The following SYT7 variants were observed in gnomAD, a reference collection of about 807,000 sequenced individuals.
SYT7 encodes the protein synaptotagmin-7.
In SYT7, 29 loss-of-function variants were observed where a neutral mutation model predicts 75.1. That is an observed-to-expected ratio of 0.39 (90% CI 0.29 to 0.53). The LOEUF (loss-of-function observed/expected upper bound fraction) is 0.53, where lower values mean the gene tolerates loss of function less well. Among genes scored for constraint, SYT7 ranks in the 20% least tolerant of loss-of-function variants. The pLI is 0.77. For synonymous variants in SYT7, 376 were observed against 401.7 expected, an observed-to-expected ratio of 0.94 and a Z score of 0.76; for missense variants, 693 against 953.2, an observed-to-expected ratio of 0.73 and a Z score of 3.59.
intron 6 of SYT7, chr11:61,540,315 C>A (rs1208897626): frequency 1.6e-5 from 3 of 190,570 alleles, no homozygotes; most frequent in South Asian, 1.8e-4. Flanking sequence ...GAGCCACCAG[C>A]GTTTGGGCAA....
intron 2 of SYT7, among the ~76,000 whole-genome samples, chr11:61,554,548 C>T (rs1443297031): frequency 6.6e-6 from 1 of 152,174 alleles, no homozygotes; most frequent in African/African-American, 2.4e-5. Flanking sequence ...AGGTCGCCAT[C>T]AGCGCCTGCT....
At chr11:61,548,873 G>GACATT (rs773016741) in intron 3 of SYT7, among the ~76,000 whole-genome samples, 5 of 152,226 alleles carry the variant, frequency 3.3e-5, no homozygotes, top group Non-Finnish European at 5.9e-5. Flanking sequence ...TCTGTCCAGA[G>GACATT]TAGACCTTGG....
Position 61,542,927 on chromosome 11 carries a change from G to A in SYT7, c.573-348C>T, listed in dbSNP as rs2063090513. Among the ~76,000 whole-genome samples, 1 of 152,212 alleles carries A rather than the reference G, an allele frequency of 6.6e-6. No individual in the cohort carries two copies. The highest frequency in any genetic ancestry group is 1.5e-5 in the Non-Finnish European group (1 of 68,030). Reference sequence around the variant, plus strand: ...CTGCGTGGTGAAGGCAGGTCCCCTGGGCCCTGCAGCTGCCTGTCATGTTGG... The same window carrying A: ...CTGCGTGGTGAAGGCAGGTCCCCTGAGCCCTGCAGCTGCCTGTCATGTTGG... On this transcript the variant is annotated intron_variant, in intron 5 of 12. Coordinates refer to ENST00000539008, the MANE Select transcript of SYT7 (RefSeq NM_001365809.2). The surrounding 1 kb of genome is among the most constrained non-coding windows in gnomAD (Gnocchi z 7.8).
Position 61,523,080 on chromosome 11 carries a change from C to A in SYT7, c.1951G>T (p.Gly651Cys). 1 of 1,614,104 alleles carries A rather than the reference C, an allele frequency of 6.2e-7. No individual in the cohort carries two copies. Among genetic ancestry groups the A allele is most frequent in the Non-Finnish European group, 8.5e-7 (1 of 1,180,040 alleles). Residue 651 changes from glycine (G) to cysteine (C), a missense_variant, in exon 12 of 13, where the codon GGC becomes TGC. Coordinates refer to ENST00000539008, the MANE Select transcript of SYT7 (RefSeq NM_001365809.2). The surrounding 1 kb of genome is among the most constrained non-coding windows in gnomAD (Gnocchi z 5.0). ...ACCACCTGCCTCGCCCCTACCTTGC[C>A]GATGACGTCATTGCGGCTGAGCTTG... ...KDKLSRNDVI[G>C]KIYLSWKSGP...
intron 12 of SYT7, among the ~76,000 whole-genome samples, chr11:61,520,742 G>T (rs879942287): frequency 6.6e-6 from 1 of 152,046 alleles, no homozygotes; most frequent in Non-Finnish European, 1.5e-5. Context: ...AGAATCGCTT[G>T]AACCCAGGAG....
intron 1 of SYT7, among the ~76,000 whole-genome samples, chr11:61,566,180 G>C (rs1356042501): frequency 6.6e-6 from 1 of 152,230 alleles, no homozygotes; most frequent in Admixed American, 6.5e-5. Flanking sequence ...GTACAGTGCA[G>C]AGCAGTTTAT....
chr11:61,580,680 C>T lies in SYT7; in HGVS notation c.31+110G>A, dbSNP rs907909739. ...GGGATGACCCCTGGGGGAGCCCGTG[C>T]GGCTCCGGGCGGACAACAGCCCCAG... On this transcript the variant is annotated intron_variant, in intron 1 of 12. Coordinates refer to ENST00000539008, the MANE Select transcript of SYT7 (RefSeq NM_001365809.2). The surrounding 1 kb of genome is among the most constrained non-coding windows in gnomAD (Gnocchi z 6.1). 4 of 720,038 alleles carry T rather than the reference C, an allele frequency of 5.6e-6. No homozygotes were observed. Among genetic ancestry groups the T allele is most frequent in the African/African-American group, 3.7e-5 (2 of 53,598 alleles). The allele number at this position is 720,038 out of a possible 1,614,324, so 44.6% of individuals were successfully genotyped here. A position where few individuals can be genotyped will look rare whatever the true frequency, so the allele number is the denominator to read the frequency against.
Position 61,524,226 on chromosome 11 carries a change from G to T in SYT7, c.1641+137C>A. 1 of 1,075,582 alleles carries T rather than the reference G, an allele frequency of 9.3e-7. No homozygotes were observed. 66.6% of individuals were successfully genotyped at this position (1,075,582 alleles called of 1,614,324 possible). A position where few individuals can be genotyped will look rare whatever the true frequency, so the allele number is the denominator to read the frequency against. On this transcript the variant is annotated intron_variant, in intron 10 of 12. Transcript: ENST00000539008. The surrounding 1 kb of genome is among the most constrained non-coding windows in gnomAD (Gnocchi z 4.1). ...AATGTTCTGACTGCTAGCGAGGGCT[G>T]AGCTCCATCGGGTCCACCCATCTGC... is the stretch of plus-strand genomic sequence containing the variant.
At chr11:61,525,110 T>C (rs921596516) in intron 9 of SYT7, among the ~76,000 whole-genome samples, 2 of 152,206 alleles carry the variant, frequency 1.3e-5, no homozygotes, top group Non-Finnish European at 2.9e-5. Flanking sequence ...CCTTCTCTAC[T>C]GCCACCTCCC....
chr11:61,555,630 G>C (rs2063479094), intron 2 of SYT7, among the ~76,000 whole-genome samples: 1 of 152,234 alleles, frequency 6.6e-6, no homozygotes, highest in Admixed American at 6.5e-5. Flanking sequence ...GGGTGGGGCG[G>C]GCGGCGCCTC....
At chr11:61,529,635 A>G (rs1207650920) in intron 8 of SYT7, among the ~76,000 whole-genome samples, 1 of 152,028 alleles carries the variant, frequency 6.6e-6, no homozygotes, top group Non-Finnish European at 1.5e-5. Context: ...CACCCTCATG[A>G]TAGTTTTTTG....
chr11:61,533,513 G>T (rs111742877), intron 7 of SYT7: 1 of 985,432 alleles, frequency 1.0e-6, no homozygotes, highest in Non-Finnish European at 1.2e-6. Flanking sequence ...GGAAGGGGGA[G>T]GCTCCACCGT....
intron 1 of SYT7, among the ~76,000 whole-genome samples, chr11:61,565,852 T>A (rs946789077): frequency 6.6e-6 from 1 of 152,270 alleles, no homozygotes; most frequent in Non-Finnish European, 1.5e-5. Flanking sequence ...TTCCTCAACC[T>A]TGACTGTAAT....
chr11:61,557,966 G>C (rs2135359314), intron 1 of SYT7, among the ~76,000 whole-genome samples: 1 of 152,364 alleles, frequency 6.6e-6, no homozygotes, highest in African/African-American at 2.4e-5. Flanking sequence ...CTCCAGGGAA[G>C]GGATGGGCAA....
intron 12 of SYT7, among the ~76,000 whole-genome samples, chr11:61,522,253 A>G (rs2062364831): frequency 6.8e-6 from 1 of 146,318 alleles, no homozygotes; most frequent in Non-Finnish European, 1.5e-5. Context: ...GCAGTCTTGC[A>G]ATCTTGGCTC....
chr11:61,525,459 G>A (rs145847619), intron 9 of SYT7, among the ~76,000 whole-genome samples: 35 of 151,998 alleles, frequency 2.3e-4, no homozygotes, highest in South Asian at 8.3e-4. Flanking sequence ...GACTCCTCCC[G>A]CCTCAGGGCC....
Position 61,524,223 on chromosome 11 carries a change from G to A in SYT7, c.1641+140C>T. 3 of 1,040,658 alleles carry A rather than the reference G, an allele frequency of 2.9e-6. No individual in the cohort carries two copies. The highest frequency in any genetic ancestry group is 2.6e-5 in the East Asian group (1 of 38,408). 64.5% of individuals were successfully genotyped at this position (1,040,658 alleles called of 1,614,324 possible). ...ACCAATGTTCTGACTGCTAGCGAGG[G>A]CTGAGCTCCATCGGGTCCACCCATC... On this transcript the variant is annotated intron_variant, in intron 10 of 12. Coordinates refer to ENST00000539008, the MANE Select transcript of SYT7 (RefSeq NM_001365809.2). The surrounding 1 kb of genome is among the most constrained non-coding windows in gnomAD (Gnocchi z 4.1).
chr11:61,545,861 G>A (rs372723952), intron 5 of SYT7, among the ~76,000 whole-genome samples, 170 bp downstream of exon 5: 2 of 152,204 alleles, frequency 1.3e-5, no homozygotes, highest in Admixed American at 6.5e-5. Context: ...TGAGTTCGTC[G>A]TGCCAGATGG....
In SYT7 at chr11:61,516,148, C is replaced by A. The variant is rs1430273745; in HGVS notation, c.*2479G>T. Reference sequence around the variant, plus strand: ...CTCAAGTTCCCCCATTCTCTGCTCTCCTATTGCCCTAGACCGCCCCCGCCC... The same window carrying A: ...CTCAAGTTCCCCCATTCTCTGCTCTACTATTGCCCTAGACCGCCCCCGCCC... On this transcript the variant is annotated 3_prime_UTR_variant, in exon 13 of 13. Coordinates refer to ENST00000539008, the MANE Select transcript of SYT7 (RefSeq NM_001365809.2). The surrounding 1 kb of genome is among the most constrained non-coding windows in gnomAD (Gnocchi z 4.6). 1 of 148,908 alleles carries A rather than the reference C, an allele frequency of 6.7e-6. No individual in the cohort carries two copies. Among genetic ancestry groups the A allele is most frequent in the African/African-American group, 2.5e-5 (1 of 40,538 alleles). 9.2% of individuals were successfully genotyped at this position (148,908 alleles called of 1,614,324 possible). A position where few individuals can be genotyped will look rare whatever the true frequency, so the allele number is the denominator to read the frequency against.
Sources: gnomAD v4.1 joint callset for allele counts (sites outside exome capture counted in the v4.1 genomes callset) on GRCh38, gnomAD v4.1.1 for gene constraint, Gnocchi (gnomAD v3.1) non-coding constraint, MANE v1.5 for transcripts, NCBI Gene and HGNC (gene_info 2026-07-23, HGNC 2026-07-21) for gene names.